The following FARSB variants were observed in gnomAD, a reference collection of about 807,000 sequenced individuals.
FARSB encodes phenylalanine--tRNA ligase beta subunit.
In FARSB, 40 loss-of-function variants were observed where a neutral mutation model predicts 69.6. That is an observed-to-expected ratio of 0.57 (90% confidence interval 0.45 to 0.75). FARSB has a LOEUF of 0.75. FARSB is among the 30% of genes least tolerant of loss of function. The pLI, the probability that FARSB is intolerant of heterozygous loss-of-function variation, is 0.00. For synonymous variants in FARSB, 235 were observed against 247.2 expected, an observed-to-expected ratio of 0.95 and a Z score of 0.46; for missense variants, 632 against 722.9, an observed-to-expected ratio of 0.87 and a Z score of 1.44.
intron 16 of FARSB, among the ~76,000 whole-genome samples, chr2:222,585,557 G>A (rs530198772): frequency 3.9e-5 from 6 of 152,228 alleles, no homozygotes; most frequent in East Asian, 1.9e-4. Context: ...TCAGAAGATC[G>A]GTAATAACAA....
chr2:222,621,241 G>T (rs1417275974), intron 13 of FARSB, among the ~76,000 whole-genome samples: 2 of 152,184 alleles, frequency 1.3e-5, no homozygotes, highest in Non-Finnish European at 1.5e-5. Context: ...GTGACAAGAG[G>T]CAATTTAAAT....
intron 16 of FARSB, among the ~76,000 whole-genome samples, chr2:222,588,321 T>C (rs1334277686): frequency 6.6e-6 from 1 of 152,196 alleles, no homozygotes; most frequent in Non-Finnish European, 1.5e-5. Flanking sequence ...CGCTTCATGC[T>C]AAAAACTCTC....
intron 15 of FARSB, among the ~76,000 whole-genome samples, chr2:222,605,193 C>CTCTCTCTCTCTCTCTCTCTCTG (rs762324554): frequency 7.2e-5 from 11 of 151,730 alleles, no homozygotes; most frequent in African/African-American, 2.4e-4. Context: ...CTCTCTCTCT[C>CTCTCTCTCTCTCTCTCTCTCTG]TGTGTCTCCC....
chr2:222,607,940 C>T (rs553893541), intron 15 of FARSB, among the ~76,000 whole-genome samples: 110 of 151,670 alleles, frequency 7.3e-4, no homozygotes, highest in Non-Finnish European at 1.2e-3. Context: ...TTAATGTAAA[C>T]CTGGAATGGA....
At chr2:222,642,306 A>G (rs1239410283) in intron 3 of FARSB, among the ~76,000 whole-genome samples, 1 of 152,178 alleles carries the variant, frequency 6.6e-6, no homozygotes, top group Non-Finnish European at 1.5e-5. Flanking sequence ...CAGCCCCTCT[A>G]TCTTCATTAA....
At chr2:222,648,683 T>C in intron 2 of FARSB, 57 bp downstream of exon 2, 1 of 1,065,854 alleles carries the variant, frequency 9.4e-7, no homozygotes. Flanking sequence ...AGTATAACCC[T>C]GAAAAATAAG....
intron 16 of FARSB, among the ~76,000 whole-genome samples, chr2:222,599,388 A>C (rs1462869148): frequency 6.6e-6 from 1 of 152,012 alleles, no homozygotes; most frequent in Admixed American, 6.6e-5. Flanking sequence ...CCTAGCTTAA[A>C]CTCTCCAACA....
chr2:222,592,051 G>A (rs1690287366), intron 16 of FARSB, among the ~76,000 whole-genome samples: 1 of 152,126 alleles, frequency 6.6e-6, no homozygotes, highest in Non-Finnish European at 1.5e-5. Context: ...TACTGCCAAG[G>A]GGTTCCGGCA....
intron 15 of FARSB, among the ~76,000 whole-genome samples, chr2:222,608,804 G>A (rs1690770630): frequency 6.6e-6 from 1 of 152,188 alleles, no homozygotes; most frequent in African/African-American, 2.4e-5. Context: ...TGAGCAAAAA[G>A]TGAAGGCTTA....
rs1181300532 is a variant in FARSB, at chr2:222,602,310, A to C, written c.1463-2227T>G. The stretch of plus-strand genomic sequence containing the variant: ...TTGTAGTGATAATTATAATCATCTA[A>C]ACCTCTCTCAATTTACAAATCTAAT... On this transcript the variant is annotated intron_variant, in intron 15 of 16. Coordinates refer to ENST00000281828, the MANE Select transcript of FARSB (RefSeq NM_005687.5). Among the ~76,000 whole-genome samples, 3 of 152,192 alleles carry C rather than the reference A, an allele frequency of 2.0e-5. No homozygotes were observed. The East Asian group carries it at 5.8e-4, about 29-fold the overall frequency.
At chr2:222,578,271 C>T (rs547823866) in intron 16 of FARSB, among the ~76,000 whole-genome samples, 1 of 152,208 alleles carries the variant, frequency 6.6e-6, no homozygotes, top group South Asian at 2.1e-4. Context: ...TTTCACCTGA[C>T]AAAAATCTTT....
intron 14 of FARSB, 44 bp downstream of exon 14, chr2:222,619,601 C>T (rs369816483): frequency 9.6e-6 from 9 of 933,416 alleles, no homozygotes; most frequent in African/African-American, 8.1e-5. Flanking sequence ...TCATGTACTA[C>T]CTCTAGGTTT....
intron 16 of FARSB, among the ~76,000 whole-genome samples, chr2:222,577,492 A>C (rs1452426790): frequency 6.6e-6 from 1 of 152,206 alleles, no homozygotes; most frequent in Non-Finnish European, 1.5e-5. Context: ...GGGAACTGGT[A>C]CCTACTTAAC....
At chr2:222,601,643 CA>C (rs1690564167) in intron 15 of FARSB, among the ~76,000 whole-genome samples, 2 of 152,282 alleles carry the variant, frequency 1.3e-5, no homozygotes, top group Non-Finnish European at 2.9e-5. Context: ...AACAAACTTA[CA>C]AACTCAATAT....
At chr2:222,639,876 C>T (rs1280819871) in intron 4 of FARSB, among the ~76,000 whole-genome samples, 181 bp from the exon 5 acceptor site, 1 of 152,164 alleles carries the variant, frequency 6.6e-6, no homozygotes, top group African/African-American at 2.4e-5. Flanking sequence ...ACTACCTTCA[C>T]AGAATTTATA....
chr2:222,619,683 C>A lies in FARSB; in HGVS notation c.1306G>T (p.Ala436Ser). ...KLGVDISATK[A>S]VHISNPKTAE... ...GTTTTAGGATTACTTATGTGGACTG[C>A]CTTTGTTGCAGAGATATCCACACCT... The change falls in exon 14 of 17, where the codon GCA becomes TCA. Residue 436 changes from alanine to serine, a missense_variant. Ala to Ser is a moderately conservative substitution (Grantham distance 99). Transcript: ENST00000281828. The A allele has an allele frequency of 6.2e-7, 1 of 1,607,532 alleles. No homozygotes were observed. Among genetic ancestry groups the A allele is most frequent in the South Asian group, 1.1e-5 (1 of 90,856 alleles).
At chr2:222,592,566 C>A (rs1690301951) in intron 16 of FARSB, among the ~76,000 whole-genome samples, 1 of 151,666 alleles carries the variant, frequency 6.6e-6, no homozygotes, top group South Asian at 2.1e-4. Context: ...ATCCTTTGAA[C>A]TTTCAGGACC....
At position 222,593,903 on chromosome 2, in the gene FARSB, T is replaced by TCTGA. The variant is rs563169632; in HGVS notation, c.1618+6024_1618+6025insTCAG. On this transcript the variant is annotated intron_variant, in intron 16 of 16. Coordinates refer to ENST00000281828, the MANE Select transcript of FARSB (RefSeq NM_005687.5). The stretch of plus-strand genomic sequence containing the variant: ...TCAAAAGAAAAAAATGCTGACAATA[T>TCTGA]CTATCAACTAGATAAAAGTTATTTT... Among the ~76,000 whole-genome samples the TCTGA allele has an allele frequency of 1.4e-3, 219 of 151,202 alleles. 1 individual carries two copies. The highest frequency in any genetic ancestry group is 0.013 in the Admixed American group (191 of 15,162).
At chr2:222,618,877 C>CTAT (rs1182523029) in intron 14 of FARSB, among the ~76,000 whole-genome samples, 7 of 152,186 alleles carry the variant, frequency 4.6e-5, no homozygotes, top group Non-Finnish European at 8.8e-5. Flanking sequence ...GTGCTCATGC[C>CTAT]TGTAATCCCA....
Sources: gnomAD v4.1 joint callset for allele counts (sites outside exome capture counted in the v4.1 genomes callset) on GRCh38, gnomAD v4.1.1 for gene constraint, MANE v1.5 for transcripts, NCBI Gene and HGNC (gene_info 2026-07-23, HGNC 2026-07-21) for gene names.